The following BTN3A2 variants were observed in gnomAD, a reference collection of about 807,000 sequenced individuals.
The protein encoded by BTN3A2 is butyrophilin protein.
BTN3A2 carries 25 observed loss-of-function variants against 37.6 expected under a neutral mutation model. The observed-to-expected ratio is 0.66, with a 90% CI of 0.48 to 0.93. The LOEUF (loss-of-function observed/expected upper bound fraction) is 0.93, where lower values mean the gene tolerates loss of function less well. BTN3A2 is among the 40% of genes least tolerant of loss of function. The pLI is 0.00. For missense variants in BTN3A2, 266 were observed against 410.9 expected (o/e 0.65, Z 3.05); for synonymous variants, 122 against 159.4 (o/e 0.77, Z 1.77).
intron 4 of BTN3A2, 120 bp downstream of exon 4, chr6:26,369,032 C>T: frequency 1.5e-6 from 1 of 682,296 alleles, no homozygotes; most frequent in East Asian, 2.7e-5. Flanking sequence ...GCCTGCACTG[C>T]CTCCCAACTT....
In BTN3A2 at chr6:26,368,203, G is replaced by A. The variant is rs966700205; in HGVS notation, c.21G>A (p.Leu7=). Residue 7 remains leucine (L), a synonymous_variant, in exon 3 of 11, where the codon CTG becomes CTA. Transcript: ENST00000377708. MKMASS[L]AFLLLNFHVS... is the part of the protein sequence containing the mutation. ...CATAGATGAAAATGGCAAGTTCCCT[G>A]GCTTTCCTTCTGCTCAACTTTCATG... 2 of 1,614,176 alleles carry A rather than the reference G, an allele frequency of 1.2e-6. No individual in the cohort carries two copies. Among genetic ancestry groups the A allele is most frequent in the Non-Finnish European group, 1.7e-6 (2 of 1,180,034 alleles).
chr6:26,370,527 C>T lies in BTN3A2; in HGVS notation c.639C>T (p.Gly213=), dbSNP rs1259570344. Reference sequence around the variant, plus strand: ...CAGCATCTGTGATCATGAGAGGCGGCTCCGGGGAGGGTGTATCCTGCATCA... The same window carrying T: ...CAGCATCTGTGATCATGAGAGGCGGTTCCGGGGAGGGTGTATCCTGCATCA... ...EVAASVIMRG[G]SGEGVSCIIR... The change falls in exon 5 of 11, where the codon GGC becomes GGT. Residue 213 remains glycine (G), a synonymous_variant. Coordinates refer to ENST00000377708, the MANE Select transcript of BTN3A2 (RefSeq NM_007047.5). The T allele has an allele frequency of 3.1e-6, 5 of 1,614,236 alleles. No homozygotes were observed. The highest frequency in any genetic ancestry group is 3.4e-6 in the Non-Finnish European group (4 of 1,180,044).
chr6:26,365,278 A>G lies in BTN3A2; in HGVS notation c.-141A>G. 6.5e-7 allele frequency: 1 copy of G among 1,527,338 alleles called. No individual in the cohort carries two copies. The allele number at this position is 1,527,338 out of a possible 1,614,324, so 94.6% of individuals were successfully genotyped here. On this transcript the variant is annotated 5_prime_UTR_variant, in exon 1 of 11. Transcript: ENST00000377708. ...CTTCCGGATGAGAGGCTAAGCCATA[A>G]TAGAAAGAATGGAGAATTATTGATT...
chr6:26,365,356 A>C lies in BTN3A2; in HGVS notation c.-67+4A>C, dbSNP rs758507488. 6.5e-7 allele frequency: 1 copy of C among 1,536,150 alleles called. No individual in the cohort carries two copies. Among genetic ancestry groups the C allele is most frequent in the South Asian group, 1.2e-5 (1 of 84,048 alleles). On this transcript the variant is annotated splice_donor_region_variant and intron_variant, in intron 1 of 10. Transcript: ENST00000377708. Reference sequence around the variant, plus strand: ...TCTCCAATGGGAATACCAAGGGGTAAGTGCAGGAAATTGATTAGAGCCTGG... The same window carrying C: ...TCTCCAATGGGAATACCAAGGGGTACGTGCAGGAAATTGATTAGAGCCTGG...
rs775902280 is a variant in BTN3A2, at chr6:26,376,677, C to T, written c.*915C>T. The T allele has an allele frequency of 5.2e-6, 8 of 1,528,218 alleles. No individual in the cohort carries two copies. In the South Asian group the frequency reaches 9.0e-5, roughly 17 times the overall value. The allele number at this position is 1,528,218 out of a possible 1,614,324, so 94.7% of individuals were successfully genotyped here. On this transcript the variant is annotated 3_prime_UTR_variant, in exon 11 of 11. Transcript: ENST00000377708. ...GGAGCCCCATGACCTACCAGACAAC[C>T]CTGAGAGATTTGAATGGCGTTACTG...
chr6:26,369,714 C>CA (rs1426839491), intron 4 of BTN3A2, among the ~76,000 whole-genome samples: 1 of 152,180 alleles, frequency 6.6e-6, no homozygotes, highest in East Asian at 1.9e-4. Context: ...TCTATGCTCA[C>CA]ATATGATGTG....
In BTN3A2 at chr6:26,365,888, C is replaced by A. The variant is rs530625426; in HGVS notation, c.-67+536C>A. Among the ~76,000 whole-genome samples, 287 of 152,208 alleles carry A rather than the reference C, an allele frequency of 1.9e-3. 1 individual carries two copies. The Middle Eastern group carries it at 0.02, about 11-fold the overall frequency. ...ACATATTCAACAGGTGGGGAATAGA[C>A]AAACAATGCATGGTTCAGTCATAAA... On this transcript the variant is annotated intron_variant, in intron 1 of 10. Transcript: ENST00000377708.
chr6:26,370,690 G>A (rs1760025322), intron 5 of BTN3A2, 87 bp downstream of exon 5: 2 of 1,576,968 alleles, frequency 1.3e-6, no homozygotes, highest in African/African-American at 2.7e-5. Context: ...GGTCGACCTG[G>A]GTCTCTGCAC....
intron 10 of BTN3A2, 174 bp downstream of exon 10, chr6:26,374,972 A>G (rs1760563577): frequency 3.4e-6 from 2 of 580,478 alleles, no homozygotes; most frequent in South Asian, 2.9e-5. Context: ...ACACTGAGTA[A>G]TACTGCAGGG....
Position 26,376,215 on chromosome 6 carries a change from G to GAAAAAAA in BTN3A2, c.*468_*474dup, listed in dbSNP as rs71544679. 5.8e-4 allele frequency: 43 copies of GAAAAAAA among 74,706 alleles called. No individual in the cohort carries two copies. Among genetic ancestry groups the GAAAAAAA allele is most frequent in the African/African-American group, 6.3e-4 (12 of 18,910 alleles). The allele number at this position is 74,706 out of a possible 1,614,324, so 4.6% of individuals were successfully genotyped here. On this transcript the variant is annotated 3_prime_UTR_variant, in exon 11 of 11. Coordinates refer to ENST00000377708, the MANE Select transcript of BTN3A2 (RefSeq NM_007047.5). ...GAGACAGAGCGAGACTCTGTCTCAA[G>GAAAAAAA]AAAAAAAAAAAAAAAAAAAAAGAAA... is the stretch of plus-strand genomic sequence containing the variant.
At chr6:26,365,492 G>C in intron 1 of BTN3A2, 140 bp downstream of exon 1, 2 of 668,348 alleles carry the variant, frequency 3.0e-6, no homozygotes, top group South Asian at 2.0e-5. Context: ...GTGTGTGTGT[G>C]TGTGTGTGTG....
At chr6:26,372,005 T>C (rs1344448796) in intron 5 of BTN3A2, among the ~76,000 whole-genome samples, 1 of 152,190 alleles carries the variant, frequency 6.6e-6, no homozygotes, top group Non-Finnish European at 1.5e-5. Context: ...TAGCACTGAT[T>C]ACTATTGCAC....
rs1489033944 is a variant in BTN3A2 at position 26,370,194 on chromosome 6, A to C, written c.434-128A>C. ...TTAGTTTTCCCCTCATCATGACCACACTTTTGTAAACAGCTCCTGAATGAA... is the reference window on the plus strand; with the variant it reads ...TTAGTTTTCCCCTCATCATGACCACCCTTTTGTAAACAGCTCCTGAATGAA... On this transcript the variant is annotated intron_variant, in intron 4 of 10. Coordinates refer to ENST00000377708, the MANE Select transcript of BTN3A2 (RefSeq NM_007047.5). 12 of 1,273,348 alleles carry C rather than the reference A, an allele frequency of 9.4e-6. No individual in the cohort carries two copies. In the East Asian group the frequency reaches 2.7e-4, roughly 29 times the overall value. 78.9% of individuals were successfully genotyped at this position (1,273,348 alleles called of 1,614,324 possible). A position where few individuals can be genotyped will look rare whatever the true frequency, so the allele number is the denominator to read the frequency against.
At position 26,373,413 on chromosome 6, in the gene BTN3A2, C is replaced by A. The variant is rs529878369; in HGVS notation, c.964C>A (p.Arg322Ser). The part of the protein sequence containing the change: ...LKRKKIQYLT[R>S]GEESSSDTNK... Reference sequence around the variant, plus strand: ...GAGGAAAAAAATCCAGTACTTGACTCGTGAGTGGCTTTGACATTTTCTCTG... The same window carrying A: ...GAGGAAAAAAATCCAGTACTTGACTAGTGAGTGGCTTTGACATTTTCTCTG... Residue 322 changes from arginine to serine, a missense_variant and splice_region_variant, in exon 8 of 11, where the codon CGT (arginine) becomes AGT (serine). Arg to Ser is a moderately radical substitution (Grantham distance 110). Around this residue, in one of 3 missense-constraint regions of BTN3A2, gnomAD observed 204 missense variants for 232.6 expected, o/e 0.88. Coordinates refer to ENST00000377708, the MANE Select transcript of BTN3A2 (RefSeq NM_007047.5). The A allele has an allele frequency of 6.2e-7, 1 of 1,600,180 alleles. No homozygotes were observed. Among genetic ancestry groups the A allele is most frequent in the Non-Finnish European group, 8.5e-7 (1 of 1,176,322 alleles).
rs1057465893 is a variant in BTN3A2 at position 26,376,056 on chromosome 6, A to T, written c.*294A>T. 1.1e-5 allele frequency: 5 copies of T among 436,814 alleles called. No individual in the cohort carries two copies. Among genetic ancestry groups the T allele is most frequent in the African/African-American group, 1.0e-4 (5 of 48,544 alleles). 27.1% of individuals were successfully genotyped at this position (436,814 alleles called of 1,614,324 possible). ...CCCGTCTCTACTAAAAATACAAAAA[A>T]TAAAAAATTAGCCGGGCATGGTGAC... On this transcript the variant is annotated 3_prime_UTR_variant, in exon 11 of 11. Coordinates refer to ENST00000377708, the MANE Select transcript of BTN3A2 (RefSeq NM_007047.5).
intron 9 of BTN3A2, 191 bp downstream of exon 9, chr6:26,374,564 C>A: frequency 2.4e-6 from 2 of 828,136 alleles, no homozygotes; most frequent in Non-Finnish European, 3.8e-6. Context: ...CCTGGCCATG[C>A]ATCCTGCACC....
intron 9 of BTN3A2, 189 bp from the exon 10 acceptor site, chr6:26,374,582 A>G: frequency 2.4e-6 from 2 of 849,078 alleles, no homozygotes; most frequent in South Asian, 1.7e-5. Context: ...ACCCCCCATG[A>G]CACAGGGAGC....
intron 9 of BTN3A2, 101 bp from the exon 10 acceptor site, chr6:26,374,670 A>C: frequency 1.5e-6 from 2 of 1,294,678 alleles, no homozygotes; most frequent in Non-Finnish European, 1.1e-6. Flanking sequence ...CCTGGAAGAG[A>C]CTCTAAAGAA....
intron 4 of BTN3A2, 145 bp from the exon 5 acceptor site, chr6:26,370,177 C>T (rs115813830): frequency 0.014 from 15,298 of 1,117,786 alleles, 149 homozygotes; most frequent in African/African-American, 0.031. Context: ...ATTTAGTTTT[C>T]CCCTCATCAT....
Sources: allele counts gnomAD v4.1 joint callset (sites outside exome capture counted in the v4.1 genomes callset), GRCh38; gene constraint gnomAD v4.1.1; regional missense constraint gnomAD v4.1.1; transcripts MANE v1.5; gene names NCBI Gene and HGNC (gene_info 2026-07-23, HGNC 2026-07-21).